ETFA: variants seen among roughly 807,000 people sequenced by gnomAD.
ETFA encodes electron transfer flavoprotein subunit alpha, mitochondrial.
A neutral mutation model predicts 46.2 loss-of-function variants in ETFA; 22 were observed. The ratio of observed to expected loss-of-function variants is 0.48; its 90% CI spans 0.34 to 0.68. The LOEUF is 0.68. ETFA is among the 30% of genes least tolerant of loss of function. The pLI, the probability that ETFA is intolerant of heterozygous loss-of-function variation, is 0.01. For missense variants in ETFA, 345 were observed against 401.1 expected, an observed-to-expected ratio of 0.86 and a Z score of 1.19; for synonymous variants, 131 against 139.9, an observed-to-expected ratio of 0.94 and a Z score of 0.45.
intron 9 of ETFA, among the ~76,000 whole-genome samples, chr15:76,272,384 C>T (rs1331183308): frequency 6.6e-6 from 1 of 152,038 alleles, no homozygotes; most frequent in Non-Finnish European, 1.5e-5. Flanking sequence ...CCACACCCAG[C>T]TAATTTTTTG....
At chr15:76,291,621 G>T (rs1466891905) in intron 4 of ETFA, among the ~76,000 whole-genome samples, 1 of 151,174 alleles carries the variant, frequency 6.6e-6, no homozygotes, top group Non-Finnish European at 1.5e-5. Context: ...GAGCTGGCGG[G>T]CGCCTGTAGT....
chr15:76,252,562 A>T (rs2039308710), intron 9 of ETFA, among the ~76,000 whole-genome samples: 1 of 152,232 alleles, frequency 6.6e-6, no homozygotes, highest in African/African-American at 2.4e-5. Flanking sequence ...TCTGCCTAAG[A>T]CTGAGACTAA....
At chr15:76,284,590 A>C (rs1293017939) in intron 7 of ETFA, 1 of 163,236 alleles carries the variant, frequency 6.1e-6, no homozygotes, top group African/African-American at 2.4e-5. Flanking sequence ...TCCCAGGTTC[A>C]AGCAATTCTC....
At chr15:76,302,776 G>A (rs1596227824) in intron 1 of ETFA, among the ~76,000 whole-genome samples, 1 of 152,194 alleles carries the variant, frequency 6.6e-6, no homozygotes, top group Non-Finnish European at 1.5e-5. Context: ...TGTGGACCAG[G>A]AAGACTCTCT....
chr15:76,295,933 A>ATTTTTTTTTTTT (rs1555459250), intron 1 of ETFA, among the ~76,000 whole-genome samples, 196 bp from the exon 2 acceptor site: 1 of 58,508 alleles, frequency 1.7e-5, no homozygotes, highest in Non-Finnish European at 4.0e-5. Context: ...TACCACTAAT[A>ATTTTTTTTTTTT]TTCTTTTTTT....
intron 9 of ETFA, among the ~76,000 whole-genome samples, chr15:76,266,627 G>C (rs1027389628): frequency 5.9e-5 from 9 of 152,192 alleles, no homozygotes; most frequent in Non-Finnish European, 1.2e-4. Context: ...AATTTGGCCG[G>C]GTGCGGTGAC....
chr15:76,297,436 A>T (rs1218983681), intron 1 of ETFA, among the ~76,000 whole-genome samples: 1 of 151,896 alleles, frequency 6.6e-6, no homozygotes, highest in Non-Finnish European at 1.5e-5. Flanking sequence ...ATTTCACAAG[A>T]ATTGCCAGTA....
intron 9 of ETFA, among the ~76,000 whole-genome samples, chr15:76,247,139 C>T (rs537775718): frequency 1.3e-5 from 2 of 152,272 alleles, no homozygotes; most frequent in African/African-American, 4.8e-5. Context: ...GAAGAATTTT[C>T]GCTATCTGAG....
In ETFA at chr15:76,311,445, G is replaced by T; in HGVS notation, c.-57C>A. 6.5e-7 allele frequency: 1 copy of T among 1,540,844 alleles called. No individual in the cohort carries two copies. On this transcript the variant is annotated 5_prime_UTR_variant, in exon 1 of 12. Transcript: ENST00000557943. ...CAGCAGCCCCGTGCCCGGCCAACTG[G>T]CGCCGCCTCAGCCAGTCACCTAATG...
intron 8 of ETFA, among the ~76,000 whole-genome samples, chr15:76,282,819 C>T (rs2039668567): frequency 6.6e-6 from 1 of 152,112 alleles, no homozygotes; most frequent in Non-Finnish European, 1.5e-5. Flanking sequence ...AATCAAATGT[C>T]TTTAAAAAGA....
At chr15:76,267,345 T>A (rs147039001) in intron 9 of ETFA, among the ~76,000 whole-genome samples, 1,524 of 152,310 alleles carry the variant, frequency 0.01, 9 homozygotes, top group Non-Finnish European at 0.016. Context: ...TGGGATATGA[T>A]CCAAATCAGA....
intron 9 of ETFA, among the ~76,000 whole-genome samples, chr15:76,246,122 A>T (rs2039240833): frequency 1.3e-5 from 2 of 152,264 alleles, no homozygotes; most frequent in African/African-American, 4.8e-5. Flanking sequence ...TACCAGGCAC[A>T]GTTTTTAAGT....
At chr15:76,260,056 A>G in intron 9 of ETFA, 1 of 1,489,506 alleles carries the variant, frequency 6.7e-7, no homozygotes, top group Non-Finnish European at 9.4e-7. Context: ...AGCTTTCAGC[A>G]TCTTCATAGC....
At chr15:76,302,118 C>G (rs959959821) in intron 1 of ETFA, among the ~76,000 whole-genome samples, 4 of 152,310 alleles carry the variant, frequency 2.6e-5, no homozygotes, top group Admixed American at 2.6e-4. Context: ...CTTTGGAAGA[C>G]AGTTTGGCAG....
At position 76,215,428 on chromosome 15, in the gene ETFA, G is replaced by A. The variant is rs1251404469; in HGVS notation, c.*1131C>T. 6.6e-6 allele frequency: 1 copy of A among 152,076 alleles called. No homozygotes were observed. The highest frequency in any genetic ancestry group is 2.4e-5 in the African/African-American group (1 of 41,414). 9.4% of individuals were successfully genotyped at this position (152,076 alleles called of 1,614,324 possible). ...AGGGTTCACTAGTCAGCTGGGGAAG[G>A]GCCCCAGGCTGGTCACACAAAGGCA... On this transcript the variant is annotated 3_prime_UTR_variant, in exon 12 of 12. Coordinates refer to ENST00000557943, the MANE Select transcript of ETFA (RefSeq NM_000126.4).
At chr15:76,234,273 G>A (rs1304356068) in intron 9 of ETFA, among the ~76,000 whole-genome samples, 1 of 152,168 alleles carries the variant, frequency 6.6e-6, no homozygotes, top group African/African-American at 2.4e-5. Context: ...CTCAGGAAGA[G>A]AGGCTTTTTC....
chr15:76,255,904 T>C (rs2039341277), intron 9 of ETFA, among the ~76,000 whole-genome samples: 1 of 151,992 alleles, frequency 6.6e-6, no homozygotes, highest in Non-Finnish European at 1.5e-5. Flanking sequence ...ACTCACAGTT[T>C]TTTGTTGTTT....
At chr15:76,261,479 C>A in intron 9 of ETFA, 1 of 844,650 alleles carries the variant, frequency 1.2e-6, no homozygotes, top group South Asian at 1.7e-5. Flanking sequence ...CACTGGATGT[C>A]AGGCTCCTCC....
chr15:76,287,639 C>T (rs568000715), intron 5 of ETFA: 130 of 504,086 alleles, frequency 2.6e-4, no homozygotes, highest in African/African-American at 2.3e-3. Context: ...AATAAACAGG[C>T]AGGAAATCTC....
Sources: gnomAD v4.1 joint callset for allele counts (sites outside exome capture counted in the v4.1 genomes callset) on GRCh38, gnomAD v4.1.1 for gene constraint, MANE v1.5 for transcripts, NCBI Gene and HGNC (gene_info 2026-07-23, HGNC 2026-07-21) for gene names.